The following SNTG1 variants were observed in gnomAD, a reference collection of about 807,000 sequenced individuals.
The protein encoded by SNTG1 is syntrophin gamma 1.
A neutral mutation model predicts 74.7 loss-of-function variants in SNTG1; 39 were observed. The observed-to-expected ratio is 0.52, with a 90% CI of 0.40 to 0.68. The LOEUF (loss-of-function observed/expected upper bound fraction) is 0.68, where lower values mean the gene tolerates loss of function less well. Ranked by LOEUF, SNTG1 falls within the 30% of genes least tolerant of loss-of-function variation. SNTG1 has a pLI of 0.00. For synonymous variants in SNTG1, 254 were observed against 217.1 expected (o/e 1.17, Z -1.49); for missense variants, 685 against 609.5 (o/e 1.12, Z -1.30).
At chr8:50,193,028 T>C (rs1443993552) in intron 2 of SNTG1, among the ~76,000 whole-genome samples, 1 of 152,168 alleles carries the variant, frequency 6.6e-6, no homozygotes, top group Non-Finnish European at 1.5e-5. Context: ...TTTATACCAG[T>C]ACCATGCTGT....
intron 2 of SNTG1, among the ~76,000 whole-genome samples, chr8:50,216,149 A>G (rs11995010): frequency 0.09 from 13,758 of 152,132 alleles, 1,651 homozygotes; most frequent in African/African-American, 0.28. Flanking sequence ...TTGGCTGGCT[A>G]GATTGATTTG....
chr8:50,136,799 A>G (rs1307571608), intron 1 of SNTG1, among the ~76,000 whole-genome samples: 2 of 152,116 alleles, frequency 1.3e-5, no homozygotes, highest in Non-Finnish European at 2.9e-5. Flanking sequence ...TATTAGCCCC[A>G]TGGCAACTCA....
intron 1 of SNTG1, among the ~76,000 whole-genome samples, chr8:50,101,769 T>G (rs928482407): frequency 3.3e-5 from 5 of 151,914 alleles, no homozygotes; most frequent in African/African-American, 4.8e-5. Context: ...CCATGTGTTC[T>G]CATTGTTCAA....
chr8:50,731,090 T>C, intron 17 of SNTG1, among the ~76,000 whole-genome samples: 1 of 152,106 alleles, frequency 6.6e-6, no homozygotes, highest in East Asian at 1.9e-4. Flanking sequence ...TCAGATTACA[T>C]TTTAGGGTTT....
intron 11 of SNTG1, among the ~76,000 whole-genome samples, chr8:50,550,964 C>T (rs2094422344): frequency 1.3e-5 from 2 of 152,038 alleles, no homozygotes; most frequent in Admixed American, 6.6e-5. Flanking sequence ...TGAAATATTA[C>T]AATCAAGAGC....
At chr8:50,134,928 A>G (rs973632079) in intron 1 of SNTG1, among the ~76,000 whole-genome samples, 2 of 152,164 alleles carry the variant, frequency 1.3e-5, no homozygotes, top group Non-Finnish European at 2.9e-5. Context: ...TGTATTTACA[A>G]TGAAAAAAAG....
At chr8:50,532,695 T>C (rs1490941273) in intron 10 of SNTG1, among the ~76,000 whole-genome samples, 1 of 152,132 alleles carries the variant, frequency 6.6e-6, no homozygotes, top group Non-Finnish European at 1.5e-5. Flanking sequence ...ACATCTCTAC[T>C]CAGAGATGTA....
intron 2 of SNTG1, among the ~76,000 whole-genome samples, chr8:50,390,484 G>A (rs184868557): frequency 1.3e-5 from 2 of 152,298 alleles, no homozygotes; most frequent in East Asian, 1.9e-4. Flanking sequence ...TTGTAGTATA[G>A]TTTGAAGTCA....
chr8:50,691,096 G>A (rs1020870254), intron 15 of SNTG1, among the ~76,000 whole-genome samples: 1 of 151,966 alleles, frequency 6.6e-6, no homozygotes, highest in Non-Finnish European at 1.5e-5. Flanking sequence ...TTTTCCATTT[G>A]CTTGGTAGAT....
intron 4 of SNTG1, among the ~76,000 whole-genome samples, chr8:50,416,939 G>C (rs2093022002): frequency 6.6e-6 from 1 of 152,040 alleles, no homozygotes; most frequent in South Asian, 2.1e-4. Context: ...CACTGTCTTT[G>C]CTTCAAATGT....
At chr8:50,663,177 T>C (rs555159178) in intron 15 of SNTG1, among the ~76,000 whole-genome samples, 1 of 152,220 alleles carries the variant, frequency 6.6e-6, no homozygotes. Flanking sequence ...CAAAGAAGTA[T>C]GTGTCCCTTC....
In SNTG1 at chr8:50,631,743, G is replaced by C. The variant is rs76989140; in HGVS notation, c.850-25166G>C. 5.4e-3 allele frequency among the ~76,000 whole-genome samples: 822 copies of C among 152,232 alleles called. 13 individuals carry two copies. The highest frequency in any genetic ancestry group is 0.018 in the African/African-American group (751 of 41,540). Reference sequence around the variant, plus strand: ...ATTCATCCTCCTTGATACATAAAGAGAAATGTGATTTGTTCTACAGAAAAG... The same window carrying C: ...ATTCATCCTCCTTGATACATAAAGACAAATGTGATTTGTTCTACAGAAAAG... On this transcript the variant is annotated intron_variant, in intron 13 of 18. Transcript: ENST00000642720.
intron 1 of SNTG1, among the ~76,000 whole-genome samples, chr8:50,129,024 C>T (rs1439065978): frequency 1.3e-5 from 2 of 151,958 alleles, no homozygotes; most frequent in Non-Finnish European, 2.9e-5. Flanking sequence ...AGAGTCAGAA[C>T]ATCATTTGAT....
chr8:50,695,328 A>G (rs2095400567), intron 15 of SNTG1, among the ~76,000 whole-genome samples: 1 of 151,992 alleles, frequency 6.6e-6, no homozygotes, highest in South Asian at 2.1e-4. Context: ...AAAAAAATCA[A>G]ACAATACCGT....
At chr8:50,472,746 G>T (rs1287020865) in intron 8 of SNTG1, among the ~76,000 whole-genome samples, 11 of 151,958 alleles carry the variant, frequency 7.2e-5, no homozygotes, top group Non-Finnish European at 1.0e-4. Context: ...CTATGGAATG[G>T]CATAAAATAT....
At chr8:50,769,194 TA>T (rs1173454357) in intron 18 of SNTG1, among the ~76,000 whole-genome samples, 2 of 151,972 alleles carry the variant, frequency 1.3e-5, no homozygotes, top group Non-Finnish European at 2.9e-5. Flanking sequence ...CTCGGTAGAC[TA>T]TAAAATTTGC....
chr8:50,133,588 G>A (rs1030267775), intron 1 of SNTG1, among the ~76,000 whole-genome samples: 1 of 152,092 alleles, frequency 6.6e-6, no homozygotes, highest in African/African-American at 2.4e-5. Context: ...TGCCCCCTCT[G>A]ACATTCTGGG....
In SNTG1 at chr8:50,795,656, T is replaced by A. The variant is rs1802777588; in HGVS notation, c.*2827T>A. 6.6e-6 allele frequency: 1 copy of A among 152,014 alleles called. No homozygotes were observed. The highest frequency in any genetic ancestry group is 2.1e-4 in the South Asian group (1 of 4,832). The allele number at this position is 152,014 out of a possible 1,614,324, so 9.4% of individuals were successfully genotyped here. On this transcript the variant is annotated 3_prime_UTR_variant, in exon 19 of 19. Transcript: ENST00000642720. ...AACACAAGCTTAATGGAGAATATTG[T>A]AGGTATTTAGGTCAGAGAATGAAGT...
intron 9 of SNTG1, among the ~76,000 whole-genome samples, chr8:50,511,204 G>T (rs1286614503): frequency 5.9e-5 from 9 of 152,170 alleles, no homozygotes; most frequent in Admixed American, 5.9e-4. Flanking sequence ...AGGTTGTTCA[G>T]TTTCCATGTA....
Sources: allele counts gnomAD v4.1 joint callset (sites outside exome capture counted in the v4.1 genomes callset), GRCh38; gene constraint gnomAD v4.1.1; transcripts MANE v1.5; gene names NCBI Gene and HGNC (gene_info 2026-07-23, HGNC 2026-07-21).